SNTG1: variants seen among roughly 807,000 people sequenced by gnomAD.
SNTG1 encodes the protein syntrophin gamma 1.
SNTG1 carries 39 observed loss-of-function variants against 74.7 expected under a neutral mutation model. The ratio of observed to expected loss-of-function variants is 0.52; its 90% confidence interval spans 0.40 to 0.68. SNTG1 has a LOEUF of 0.68. Among genes scored for constraint, SNTG1 ranks in the 30% least tolerant of loss-of-function variants. The pLI is 0.00. For missense variants in SNTG1, 685 were observed against 609.5 expected, an observed-to-expected ratio of 1.12 and a Z score of -1.30; for synonymous variants, 254 against 217.1, an observed-to-expected ratio of 1.17 and a Z score of -1.49.
rs185067233 is a variant in SNTG1, at chr8:50,369,025, C to T, written c.-27-25187C>T. 9.9e-5 allele frequency among the ~76,000 whole-genome samples: 15 copies of T among 152,194 alleles called. No homozygotes were observed. In the East Asian group the frequency reaches 2.9e-3, roughly 29 times the overall value. On this transcript the variant is annotated intron_variant, in intron 2 of 18. Coordinates refer to ENST00000642720, the MANE Select transcript of SNTG1 (RefSeq NM_018967.5). ...TTAGTTAGATGATTTTAGTATGAGA[C>T]TTTGGCCTTTAACCTTTAGAGTTAA...
chr8:50,430,306 T>C (rs1413522891), intron 4 of SNTG1, among the ~76,000 whole-genome samples: 1 of 152,160 alleles, frequency 6.6e-6, no homozygotes, highest in Non-Finnish European at 1.5e-5. Flanking sequence ...TCTATAAATA[T>C]TTTTATGCAT....
intron 1 of SNTG1, among the ~76,000 whole-genome samples, chr8:49,927,070 A>G (rs1391298192): frequency 3.3e-5 from 5 of 152,180 alleles, no homozygotes; most frequent in Admixed American, 3.3e-4. Context: ...AAATTAGAAA[A>G]TTAGAATGGC....
chr8:50,435,654 A>G (rs1383871362), intron 4 of SNTG1, among the ~76,000 whole-genome samples: 1 of 152,128 alleles, frequency 6.6e-6, no homozygotes, highest in Non-Finnish European at 1.5e-5. Flanking sequence ...TTAAAACACT[A>G]AGTAACTTGT....
chr8:50,098,337 G>A (rs1563590088), intron 1 of SNTG1, among the ~76,000 whole-genome samples: 1 of 152,038 alleles, frequency 6.6e-6, no homozygotes, highest in Non-Finnish European at 1.5e-5. Flanking sequence ...TGTATCGCTA[G>A]GTTACTCATT....
chr8:50,278,085 A>G (rs1488275964), intron 2 of SNTG1, among the ~76,000 whole-genome samples: 1 of 152,130 alleles, frequency 6.6e-6, no homozygotes, highest in Non-Finnish European at 1.5e-5. Flanking sequence ...AGGTGGGAGA[A>G]TCACTTGAAC....
intron 1 of SNTG1, among the ~76,000 whole-genome samples, chr8:50,137,914 G>A (rs1262398388): frequency 6.6e-6 from 1 of 152,118 alleles, no homozygotes; most frequent in Non-Finnish European, 1.5e-5. Flanking sequence ...GGATTCCCAT[G>A]TTAGCATGTC....
chr8:50,493,677 C>G (rs763654979), intron 8 of SNTG1, among the ~76,000 whole-genome samples: 3 of 151,276 alleles, frequency 2.0e-5, no homozygotes, highest in Non-Finnish European at 2.9e-5. Flanking sequence ...CTAAGGTCAA[C>G]GCTGTATATA....
intron 2 of SNTG1, among the ~76,000 whole-genome samples, chr8:50,178,357 T>C (rs1266519169): frequency 2.1e-5 from 3 of 141,458 alleles, no homozygotes; most frequent in East Asian, 1.9e-4. Flanking sequence ...CTTCCTCCTC[T>C]CTTTTTTTTT....
intron 2 of SNTG1, among the ~76,000 whole-genome samples, chr8:50,189,016 A>G (rs1283053685): frequency 6.6e-6 from 1 of 152,122 alleles, no homozygotes; most frequent in Admixed American, 6.6e-5. Flanking sequence ...TTGAGTCACT[A>G]TGTAAATGGG....
chr8:49,949,686 G>A (rs1361857341), intron 1 of SNTG1, among the ~76,000 whole-genome samples: 1 of 152,126 alleles, frequency 6.6e-6, no homozygotes, highest in Non-Finnish European at 1.5e-5. Flanking sequence ...AATTCCATGT[G>A]CTCATAGGTA....
chr8:50,493,607 CTA>C (rs1158773768), intron 8 of SNTG1, among the ~76,000 whole-genome samples: 2 of 151,932 alleles, frequency 1.3e-5, no homozygotes, highest in Non-Finnish European at 2.9e-5. Flanking sequence ...TGACCAGTAA[CTA>C]TGTTTTTATA....
intron 4 of SNTG1, 133 bp downstream of exon 4, chr8:50,402,477 C>A: frequency 1.8e-6 from 2 of 1,106,268 alleles, no homozygotes; most frequent in Admixed American, 2.8e-5. Context: ...TTTTTGCTTA[C>A]ATCATTAAGT....
intron 13 of SNTG1, among the ~76,000 whole-genome samples, chr8:50,630,746 T>G (rs999259253): frequency 6.6e-6 from 1 of 152,178 alleles, no homozygotes; most frequent in Non-Finnish European, 1.5e-5. Flanking sequence ...AGAAGACAGA[T>G]GAAGAACAGT....
chr8:50,011,064 C>A (rs974911072), intron 1 of SNTG1, among the ~76,000 whole-genome samples: 4 of 151,978 alleles, frequency 2.6e-5, no homozygotes, highest in Admixed American at 1.3e-4. Context: ...CCATTAAATG[C>A]AAGACTACAT....
At chr8:50,701,659 TCTTCTTCTTCTTC>T (rs536691756) in intron 15 of SNTG1, among the ~76,000 whole-genome samples, 17 of 143,538 alleles carry the variant, frequency 1.2e-4, no homozygotes, top group African/African-American at 4.4e-4. Flanking sequence ...TTTTTCTTCC[TCTTCTTCTTCTTC>T]CTTCTTCTTC....
At chr8:50,342,333 T>C (rs187640935) in intron 2 of SNTG1, among the ~76,000 whole-genome samples, 19 of 152,220 alleles carry the variant, frequency 1.2e-4, no homozygotes, top group African/African-American at 3.1e-4. Context: ...TAGGTAGATA[T>C]AGGCAAATTC....
At chr8:50,592,037 C>A (rs1364250434) in intron 13 of SNTG1, among the ~76,000 whole-genome samples, 1 of 152,178 alleles carries the variant, frequency 6.6e-6, no homozygotes, top group African/African-American at 2.4e-5. Flanking sequence ...TGCTCCCATG[C>A]TGTCCCAGGT....
chr8:50,692,499 G>T (rs1467599952), intron 15 of SNTG1, among the ~76,000 whole-genome samples: 3 of 152,158 alleles, frequency 2.0e-5, no homozygotes, highest in Non-Finnish European at 4.4e-5. Flanking sequence ...GTCTGTTGGA[G>T]TTTGCTGGAG....
At chr8:50,092,817 T>C (rs2079789671) in intron 1 of SNTG1, among the ~76,000 whole-genome samples, 1 of 152,138 alleles carries the variant, frequency 6.6e-6, no homozygotes, top group Admixed American at 6.6e-5. Context: ...CTCTGTGGAG[T>C]ACAATGTTGC....
Sources: allele counts gnomAD v4.1 joint callset (sites outside exome capture counted in the v4.1 genomes callset), GRCh38; gene constraint gnomAD v4.1.1; transcripts MANE v1.5; gene names NCBI Gene and HGNC (gene_info 2026-07-23, HGNC 2026-07-21).